The following PRKD1 variants were observed in gnomAD, a reference collection of about 807,000 sequenced individuals.
PRKD1 encodes the protein protein kinase D1.
Under a neutral mutation model 95.9 loss-of-function variants are expected in PRKD1, and 63 were observed. That is an observed-to-expected ratio of 0.66 (90% CI 0.54 to 0.81). The LOEUF (loss-of-function observed/expected upper bound fraction) is 0.81, where lower values mean the gene tolerates loss of function less well. PRKD1 is among the 30% of genes least tolerant of loss of function. The pLI, the probability that PRKD1 is intolerant of heterozygous loss-of-function variation, is 0.00. For synonymous variants in PRKD1, 425 were observed against 423.1 expected (o/e 1.00, Z -0.05); for missense variants, 1,048 against 1,165.3 (o/e 0.90, Z 1.47).
intron 1 of PRKD1, among the ~76,000 whole-genome samples, chr14:29,762,961 C>T (rs544316725): frequency 3.9e-5 from 6 of 151,958 alleles, no homozygotes; most frequent in South Asian, 2.1e-4. Flanking sequence ...CCAGGCTGAT[C>T]TTGAACTCGT....
chr14:29,832,735 T>C (rs746703754), intron 1 of PRKD1, among the ~76,000 whole-genome samples: 6 of 152,106 alleles, frequency 3.9e-5, no homozygotes, highest in Non-Finnish European at 7.4e-5. Flanking sequence ...ATTCATTTGC[T>C]TTAAGTGGAA....
intron 1 of PRKD1, among the ~76,000 whole-genome samples, chr14:29,841,060 T>C (rs1303262075): frequency 6.6e-6 from 1 of 152,238 alleles, no homozygotes; most frequent in Non-Finnish European, 1.5e-5. Context: ...TGGACTTGCA[T>C]GGGGCCTGTG....
In PRKD1 at chr14:29,589,954, A is replaced by G. The variant is rs543729791; in HGVS notation, c.2434+7537T>C. ...CTAAATAATAAATGCAGTATCTTCT[A>G]TACTTGTTTCATTGACCCTAAACTA... On this transcript the variant is annotated intron_variant, in intron 16 of 17. Transcript: ENST00000331968. Among the ~76,000 whole-genome samples, 99 of 152,292 alleles carry G rather than the reference A, an allele frequency of 6.5e-4. No homozygotes were observed. The Middle Eastern group carries it at 0.01, about 16-fold the overall frequency.
At chr14:29,696,782 A>G (rs1410462239) in intron 2 of PRKD1, among the ~76,000 whole-genome samples, 1 of 152,166 alleles carries the variant, frequency 6.6e-6, no homozygotes, top group Non-Finnish European at 1.5e-5. Flanking sequence ...TTTCCTAGAC[A>G]TTCAGTTTCT....
intron 1 of PRKD1, among the ~76,000 whole-genome samples, chr14:29,867,110 C>T (rs1415887477): frequency 6.6e-6 from 1 of 152,196 alleles, no homozygotes; most frequent in African/African-American, 2.4e-5. Flanking sequence ...ACTATACCTG[C>T]TCCTCAATTG....
chr14:29,831,155 T>A (rs1953205), intron 1 of PRKD1, among the ~76,000 whole-genome samples: 71,230 of 152,028 alleles, frequency 0.47, 16,980 homozygotes, highest in Admixed American at 0.56. Flanking sequence ...CTCTACGTGG[T>A]TGATTTCATA....
At chr14:29,760,885 T>C (rs1042836249) in intron 1 of PRKD1, among the ~76,000 whole-genome samples, 10 of 152,304 alleles carry the variant, frequency 6.6e-5, no homozygotes, top group African/African-American at 2.4e-4. Context: ...CCTAATAGAA[T>C]TGATCATCTT....
intron 13 of PRKD1, among the ~76,000 whole-genome samples, chr14:29,606,567 A>G (rs1566481567): frequency 6.6e-6 from 1 of 152,156 alleles, no homozygotes; most frequent in Non-Finnish European, 1.5e-5. Context: ...AGCTCTTAAT[A>G]AGGAGATACT....
At chr14:29,687,033 C>T (rs1011214791) in intron 2 of PRKD1, among the ~76,000 whole-genome samples, 1 of 152,060 alleles carries the variant, frequency 6.6e-6, no homozygotes, top group African/African-American at 2.4e-5. Context: ...TGGCCTAAGT[C>T]CTCCTGAGGC....
intron 16 of PRKD1, chr14:29,591,071 C>T (rs1397133027): frequency 2.6e-5 from 4 of 152,252 alleles, no homozygotes; most frequent in Non-Finnish European, 5.9e-5. Context: ...GCCACCACGC[C>T]TGGCCCCTGC....
intron 2 of PRKD1, among the ~76,000 whole-genome samples, chr14:29,709,178 G>C (rs2139350261): frequency 6.6e-6 from 1 of 152,176 alleles, no homozygotes; most frequent in Non-Finnish European, 1.5e-5. Context: ...TCAGTAAACA[G>C]AGTATGTTTC....
At chr14:29,751,580 T>A (rs562297858) in intron 1 of PRKD1, among the ~76,000 whole-genome samples, 1 of 152,328 alleles carries the variant, frequency 6.6e-6, no homozygotes, top group South Asian at 2.1e-4. Flanking sequence ...ACCTCCTACC[T>A]ACAAACTCCA....
chr14:29,652,588 AT>A (rs1350953795), intron 4 of PRKD1, among the ~76,000 whole-genome samples: 4 of 152,320 alleles, frequency 2.6e-5, no homozygotes, highest in Admixed American at 6.5e-5. Context: ...TGGTTAAAAA[AT>A]TTTTGGACAT....
At chr14:29,637,004 T>C (rs770579312) in intron 6 of PRKD1, among the ~76,000 whole-genome samples, 6 of 152,162 alleles carry the variant, frequency 3.9e-5, no homozygotes, top group Non-Finnish European at 8.8e-5. Context: ...ATTTTATAGG[T>C]AGATGCTCGT....
At chr14:29,643,307 A>G (rs1880921415) in intron 4 of PRKD1, among the ~76,000 whole-genome samples, 1 of 152,212 alleles carries the variant, frequency 6.6e-6, no homozygotes, top group African/African-American at 2.4e-5. Flanking sequence ...GGGAGATAAT[A>G]TGAGAACGTA....
At chr14:29,778,380 T>C (rs1386472595) in intron 1 of PRKD1, among the ~76,000 whole-genome samples, 2 of 152,084 alleles carry the variant, frequency 1.3e-5, no homozygotes, top group Non-Finnish European at 1.5e-5. Context: ...AAAAAATTGA[T>C]AGACCACTAG....
chr14:29,605,668 A>G (rs1053897141), intron 13 of PRKD1, among the ~76,000 whole-genome samples: 1 of 152,238 alleles, frequency 6.6e-6, no homozygotes, highest in African/African-American at 2.4e-5. Flanking sequence ...CATAAGAGCT[A>G]TAATTTATCA....
intron 16 of PRKD1, among the ~76,000 whole-genome samples, chr14:29,585,824 T>C (rs1037328536): frequency 1.3e-5 from 2 of 152,214 alleles, no homozygotes; most frequent in African/African-American, 4.8e-5. Context: ...GGAAGTTTTA[T>C]TTTTAAATAT....
At chr14:29,741,827 T>A (rs1377407874) in intron 1 of PRKD1, among the ~76,000 whole-genome samples, 2 of 152,132 alleles carry the variant, frequency 1.3e-5, no homozygotes, top group Non-Finnish European at 2.9e-5. Flanking sequence ...TTCCTCAAAA[T>A]TAACCTATAT....
Sources: allele counts gnomAD v4.1 joint callset (sites outside exome capture counted in the v4.1 genomes callset), GRCh38; gene constraint gnomAD v4.1.1; transcripts MANE v1.5; gene names NCBI Gene and HGNC (gene_info 2026-07-23, HGNC 2026-07-21).